VOPP1: variants seen among roughly 807,000 people sequenced by gnomAD.
VOPP1 encodes the protein VOPP1 WW domain binding protein, also known as WW domain binding protein VOPP1.
VOPP1 carries 8 observed loss-of-function variants against 23.5 expected under a neutral mutation model. That is an observed-to-expected ratio of 0.34 (90% confidence interval 0.20 to 0.61). The LOEUF (loss-of-function observed/expected upper bound fraction) is 0.61, where lower values mean the gene tolerates loss of function less well. Among genes scored for constraint, VOPP1 ranks in the 20% least tolerant of loss-of-function variants. The pLI, the probability that VOPP1 is intolerant of heterozygous loss-of-function variation, is 0.78. For synonymous variants in VOPP1, 83 were observed against 97.3 expected (o/e 0.85, Z 0.86); for missense variants, 174 against 238.1 (o/e 0.73, Z 1.77).
downstream of VOPP1, among the ~76,000 whole-genome samples, chr7:55,467,129 G>A (rs1791651848): frequency 6.6e-6 from 1 of 152,208 alleles, no homozygotes; most frequent in African/African-American, 2.4e-5. Context: ...AGGAGACAGA[G>A]CTCAGGTGGT....
chr7:55,534,427 C>T lies in VOPP1; in HGVS notation c.55-13297G>A, dbSNP rs138049415. Among the ~76,000 whole-genome samples, 98 of 152,252 alleles carry T rather than the reference C, an allele frequency of 6.4e-4. 1 individual carries two copies. The East Asian group carries it at 0.017, about 26-fold the overall frequency. On this transcript the variant is annotated intron_variant, in intron 1 of 4. Coordinates refer to ENST00000285279, the MANE Select transcript of VOPP1 (RefSeq NM_030796.5). Reference sequence around the variant, plus strand: ...CTGAAGGGCAGCTGCGTGTAGGGAGCGGGGGCTGCCCAAAGTTTCACTCTG... The same window carrying T: ...CTGAAGGGCAGCTGCGTGTAGGGAGTGGGGGCTGCCCAAAGTTTCACTCTG...
At chr7:55,490,501 G>A (rs1435009226) in intron 4 of VOPP1, among the ~76,000 whole-genome samples, 1 of 152,150 alleles carries the variant, frequency 6.6e-6, no homozygotes, top group Admixed American at 6.5e-5. Flanking sequence ...AAGAGCCCCA[G>A]TTCACATGAG....
At chr7:55,525,710 C>T (rs1796142858) in intron 1 of VOPP1, among the ~76,000 whole-genome samples, 1 of 123,988 alleles carries the variant, frequency 8.1e-6, no homozygotes. Context: ...CTCTCGAGAA[C>T]AAAGGTTCTA....
rs1391197719 is a variant in VOPP1 at position 55,470,684 on chromosome 7, G to A, written c.*2171C>T. The A allele has an allele frequency of 1.3e-5, 2 of 152,166 alleles. No homozygotes were observed. The highest frequency in any genetic ancestry group is 2.4e-5 in the African/African-American group (1 of 41,428). The allele number at this position is 152,166 out of a possible 1,614,324, so 9.4% of individuals were successfully genotyped here. On this transcript the variant is annotated 3_prime_UTR_variant, in exon 5 of 5. Coordinates refer to ENST00000285279, the MANE Select transcript of VOPP1 (RefSeq NM_030796.5). The stretch of plus-strand genomic sequence containing the variant: ...TCAAAAGAGAACAAAAAAGAGAAAC[G>A]AGCCAATTGTTGCAGAGGAAAAGCA...
chr7:55,539,397 A>C (rs1019152124), intron 1 of VOPP1: 1 of 152,176 alleles, frequency 6.6e-6, no homozygotes, highest in Non-Finnish European at 1.5e-5. Context: ...AAAACTTAAA[A>C]CCACCAAATC....
chr7:55,468,618 G>A (rs1296646864), downstream of VOPP1, among the ~76,000 whole-genome samples: 1 of 152,256 alleles, frequency 6.6e-6, no homozygotes, highest in Non-Finnish European at 1.5e-5. Flanking sequence ...TGGGCTAGAG[G>A]ATGGGCCCAG....
intron 2 of VOPP1, among the ~76,000 whole-genome samples, chr7:55,502,204 C>T (rs981119966): frequency 6.6e-6 from 1 of 152,208 alleles, no homozygotes; most frequent in Non-Finnish European, 1.5e-5. Flanking sequence ...GTAGAGCCCT[C>T]GTCCAGAATT....
intron 4 of VOPP1, among the ~76,000 whole-genome samples, chr7:55,441,401 A>G (rs1444469916): frequency 3.3e-5 from 5 of 152,120 alleles, no homozygotes; most frequent in Non-Finnish European, 7.4e-5. Flanking sequence ...ACACCCAGAG[A>G]CAAGCGCACA....
chr7:55,483,395 C>G (rs1792886082), intron 4 of VOPP1, among the ~76,000 whole-genome samples: 1 of 152,116 alleles, frequency 6.6e-6, no homozygotes, highest in South Asian at 2.1e-4. Flanking sequence ...ATTATCATCC[C>G]TCATTACAGA....
At position 55,444,297 on chromosome 7, in the gene VOPP1, C is replaced by A. The variant is rs112756540; in HGVS notation, n.418-8123G>T. Among the ~76,000 whole-genome samples the A allele has an allele frequency of 5.5e-3, 837 of 152,294 alleles. 11 individuals carry two copies. Among genetic ancestry groups the A allele is most frequent in the African/African-American group, 0.019 (778 of 41,536 alleles). On this transcript the variant is annotated intron_variant and non_coding_transcript_variant, in intron 4 of 4. Coordinates refer to the VOPP1 transcript ENST00000462326. Reference sequence around the variant, plus strand: ...TCCTCACCTTGACTAGTTACATCTGCAATGACCCTATTTCCAAATAAAGTC... The same window carrying A: ...TCCTCACCTTGACTAGTTACATCTGAAATGACCCTATTTCCAAATAAAGTC...
At chr7:55,498,435 G>GGCCCTTGC (rs796666890) in intron 2 of VOPP1, among the ~76,000 whole-genome samples, 136,286 of 152,136 alleles carry the variant, frequency 0.9, 61,210 homozygotes, top group African/African-American at 0.92. Flanking sequence ...CCTGAGCATG[G>GGCCCTTGC]GCAGGTGAGG....
intron 4 of VOPP1, among the ~76,000 whole-genome samples, chr7:55,448,056 A>C (rs815944): frequency 0.73 from 111,075 of 152,026 alleles, 41,266 homozygotes; most frequent in African/African-American, 0.86. Flanking sequence ...CCCAATAATA[A>C]ACAGTGTTGG....
intron 4 of VOPP1, among the ~76,000 whole-genome samples, chr7:55,446,259 C>T (rs1017127677): frequency 6.6e-6 from 1 of 152,278 alleles, no homozygotes; most frequent in Admixed American, 6.5e-5. Context: ...TCCCAAAGTG[C>T]TGGGATTACA....
chr7:55,554,727 C>A (rs1211242127), intron 1 of VOPP1, among the ~76,000 whole-genome samples: 2 of 152,114 alleles, frequency 1.3e-5, no homozygotes, highest in African/African-American at 4.8e-5. Context: ...TCTGGGCCAC[C>A]CTGGAGGAGG....
intron 4 of VOPP1, among the ~76,000 whole-genome samples, chr7:55,453,892 C>A (rs1462667383): frequency 6.6e-6 from 1 of 152,066 alleles, no homozygotes; most frequent in African/African-American, 2.4e-5. Context: ...TATGAATGTA[C>A]AAAATATAGT....
intron 4 of VOPP1, among the ~76,000 whole-genome samples, chr7:55,460,237 T>C (rs1159148294): frequency 6.6e-6 from 1 of 152,222 alleles, no homozygotes; most frequent in African/African-American, 2.4e-5. Flanking sequence ...GATGCTTGAT[T>C]TGATCTTAAT....
At chr7:55,448,540 C>T (rs149949957) in intron 4 of VOPP1, among the ~76,000 whole-genome samples, 2 of 141,894 alleles carry the variant, frequency 1.4e-5, no homozygotes, top group African/African-American at 4.9e-5. Flanking sequence ...GCTCGAGCCC[C>T]GGTCCTGGCA....
intron 1 of VOPP1, among the ~76,000 whole-genome samples, chr7:55,559,120 G>A (rs1168143457): frequency 6.6e-6 from 1 of 152,108 alleles, no homozygotes; most frequent in East Asian, 1.9e-4. Context: ...GGGAGCCTCT[G>A]ATGGCTTCAA....
rs190921876 is a variant in VOPP1, at chr7:55,525,958, T to C, written c.55-4828A>G. ...ATCAACCATCTCTGGAAACAGAAAT[T>C]ATGTGTGTGAGGAGAGGTCAACTGC... On this transcript the variant is annotated intron_variant, in intron 1 of 4. Transcript: ENST00000285279. Among the ~76,000 whole-genome samples, 280 of 152,240 alleles carry C rather than the reference T, an allele frequency of 1.8e-3. 1 individual carries two copies. The highest frequency in any genetic ancestry group is 6.0e-3 in the African/African-American group (250 of 41,544).
Sources: gnomAD v4.1 joint callset for allele counts (sites outside exome capture counted in the v4.1 genomes callset) on GRCh38, gnomAD v4.1.1 for gene constraint, MANE v1.5 for transcripts, NCBI Gene and HGNC (gene_info 2026-07-23, HGNC 2026-07-21) for gene names.